The following SMIM15 variants were observed in gnomAD, a reference collection of about 807,000 sequenced individuals.
SMIM15 encodes the protein small integral membrane protein 15.
Under a neutral mutation model 6.8 loss-of-function variants are expected in SMIM15, and 5 were observed. The observed-to-expected ratio is 0.74, with a 90% CI of 0.39 to 1.56. The LOEUF (loss-of-function observed/expected upper bound fraction) is 1.56. SMIM15 is among the 40% of genes most tolerant of loss of function. The probability of loss-of-function intolerance (pLI) is 0.03; values close to 1 mark genes in which losing one functional copy is unlikely to be tolerated. For missense variants in SMIM15, 81 were observed against 84.8 expected (o/e 0.96, Z 0.18); for synonymous variants, 30 against 30.8 (o/e 0.97, Z 0.09).
rs564945551 is a variant in SMIM15, at chr5:61,161,173, C to T, written c.-114G>A. On this transcript the variant is annotated 5_prime_UTR_variant, in exon 2 of 3. Coordinates refer to ENST00000339020, the MANE Select transcript of SMIM15 (RefSeq NM_001048249.4). ...CTTCAGATGACCCTTGGTAGTCTGT[C>T]TTCTTGAGTTCTACTGTACACATCT... 1 of 152,304 alleles carries T rather than the reference C, an allele frequency of 6.6e-6. No homozygotes were observed. Among genetic ancestry groups the T allele is most frequent in the East Asian group, 1.9e-4 (1 of 5,178 alleles). The allele number at this position is 152,304 out of a possible 1,614,324, so 9.4% of individuals were successfully genotyped here. A position where few individuals can be genotyped will look rare whatever the true frequency, so the allele number is the denominator to read the frequency against.
chr5:61,162,196 T>G lies in SMIM15; in HGVS notation c.-169+21A>C, dbSNP rs1741433087. 1 of 152,426 alleles carries G rather than the reference T, an allele frequency of 6.6e-6. No homozygotes were observed. The highest frequency in any genetic ancestry group is 1.5e-5 in the Non-Finnish European group (1 of 68,184). The allele number at this position is 152,426 out of a possible 1,614,324, so 9.4% of individuals were successfully genotyped here. A position where few individuals can be genotyped will look rare whatever the true frequency, so the allele number is the denominator to read the frequency against. Reference sequence around the variant, plus strand: ...TCCCTTATTCCTTACGTTTCTCCCTTGCTCACTCTTCCCTCCTTACCCTAT... The same window carrying G: ...TCCCTTATTCCTTACGTTTCTCCCTGGCTCACTCTTCCCTCCTTACCCTAT... On this transcript the variant is annotated intron_variant, in intron 1 of 2. Coordinates refer to ENST00000339020, the MANE Select transcript of SMIM15 (RefSeq NM_001048249.4). This position sits in a 1 kb window ranked among gnomAD's most constrained non-coding sequence, Gnocchi z 4.4.
At position 61,158,093 on chromosome 5, in the gene SMIM15, A is replaced by G. The variant is rs553767353; in HGVS notation, c.*1854T>C. ...ATGGAAAAAAGTGGAAAAAAAAAGC[A>G]TATGTCAAACAAATACAAAACTGGC... On this transcript the variant is annotated 3_prime_UTR_variant, in exon 3 of 3. Coordinates refer to ENST00000339020, the MANE Select transcript of SMIM15 (RefSeq NM_001048249.4). 1 of 152,218 alleles carries G rather than the reference A, an allele frequency of 6.6e-6. No homozygotes were observed. Among genetic ancestry groups the G allele is most frequent in the East Asian group, 1.9e-4 (1 of 5,186 alleles). 9.4% of individuals were successfully genotyped at this position (152,218 alleles called of 1,614,324 possible).
chr5:61,160,281 TCA>T, intron 2 of SMIM15, 82 bp from the exon 3 acceptor site: 1 of 979,456 alleles, frequency 1.0e-6, no homozygotes, highest in Non-Finnish European at 1.5e-6. Context: ...AAAAGTTTCC[TCA>T]CACAACCAGT....
chr5:61,159,201 G>T lies in SMIM15; in HGVS notation c.*746C>A, dbSNP rs1053739104. ...TACTACAGTGTTTGGCATTTTTACT[G>T]CAAGCTTTAAACCATAGTGTTACTC... is the stretch of plus-strand genomic sequence containing the variant. On this transcript the variant is annotated 3_prime_UTR_variant, in exon 3 of 3. Coordinates refer to ENST00000339020, the MANE Select transcript of SMIM15 (RefSeq NM_001048249.4). 5 of 152,592 alleles carry T rather than the reference G, an allele frequency of 3.3e-5. No individual in the cohort carries two copies. Among genetic ancestry groups the T allele is most frequent in the Non-Finnish European group, 5.9e-5 (4 of 68,032 alleles). The allele number at this position is 152,592 out of a possible 1,614,324, so 9.5% of individuals were successfully genotyped here. A position where few individuals can be genotyped will look rare whatever the true frequency, so the allele number is the denominator to read the frequency against.
In SMIM15 at chr5:61,159,307, C is replaced by T. The variant is rs1322034830; in HGVS notation, c.*640G>A. The T allele has an allele frequency of 2.0e-5, 3 of 153,018 alleles. No homozygotes were observed. Among genetic ancestry groups the T allele is most frequent in the African/African-American group, 7.3e-5 (3 of 41,334 alleles). 9.5% of individuals were successfully genotyped at this position (153,018 alleles called of 1,614,324 possible). A position where few individuals can be genotyped will look rare whatever the true frequency, so the allele number is the denominator to read the frequency against. ...TCCAGTAGGTGGTATTCTACATAGTCGAGATAAGAGAATTCTTTATAAAAT... is the reference window on the plus strand; with the variant it reads ...TCCAGTAGGTGGTATTCTACATAGTTGAGATAAGAGAATTCTTTATAAAAT... On this transcript the variant is annotated 3_prime_UTR_variant, in exon 3 of 3. Coordinates refer to ENST00000339020, the MANE Select transcript of SMIM15 (RefSeq NM_001048249.4).
At position 61,159,914 on chromosome 5, in the gene SMIM15, A is replaced by G; in HGVS notation, c.*33T>C. The G allele has an allele frequency of 6.2e-7, 1 of 1,607,338 alleles. No homozygotes were observed. Among genetic ancestry groups the G allele is most frequent in the East Asian group, 2.2e-5 (1 of 44,872 alleles). On this transcript the variant is annotated 3_prime_UTR_variant, in exon 3 of 3. Coordinates refer to ENST00000339020, the MANE Select transcript of SMIM15 (RefSeq NM_001048249.4). ...CCAAAGCTGTGTAATTTTCCAAATG[A>G]TTTTCCTCTGGTTGCAAAGCCTGTT...
In SMIM15 at chr5:61,160,053, A is replaced by G. The variant is rs989485179; in HGVS notation, c.119T>C (p.Leu40Pro). ...LTPLFLASAV[L>P]SWKLAKMIEA... ...AATCATCTTGGCCAATTTCCAAGACAGTACAGCACTTGCTAGGAACAGTGG... is the reference window on the plus strand; with the variant it reads ...AATCATCTTGGCCAATTTCCAAGACGGTACAGCACTTGCTAGGAACAGTGG... Residue 40 changes from leucine (L) to proline (P), a missense_variant, in exon 3 of 3, where the codon CTG becomes CCG. Leu to Pro is a moderately conservative substitution (Grantham distance 98, BLOSUM62 -3). Coordinates refer to ENST00000339020, the MANE Select transcript of SMIM15 (RefSeq NM_001048249.4). 1 of 1,614,190 alleles carries G rather than the reference A, an allele frequency of 6.2e-7. No individual in the cohort carries two copies. The highest frequency in any genetic ancestry group is 8.5e-7 in the Non-Finnish European group (1 of 1,180,030).
rs933089388 is a variant in SMIM15 at position 61,158,678 on chromosome 5, T to C, written c.*1269A>G. On this transcript the variant is annotated 3_prime_UTR_variant, in exon 3 of 3. Coordinates refer to ENST00000339020, the MANE Select transcript of SMIM15 (RefSeq NM_001048249.4). ...GTAGCTGCTAGACAATTTTTTGTAA[T>C]TTAAAATTCATTAATGGGTACAGAA... 1.3e-5 allele frequency: 2 copies of C among 152,156 alleles called. No homozygotes were observed. Among genetic ancestry groups the C allele is most frequent in the African/African-American group, 2.4e-5 (1 of 41,454 alleles). The allele number at this position is 152,156 out of a possible 1,614,324, so 9.4% of individuals were successfully genotyped here.
chr5:61,159,780 G>T lies in SMIM15; in HGVS notation c.*167C>A, dbSNP rs1579860798. 2 of 723,412 alleles carry T rather than the reference G, an allele frequency of 2.8e-6. No individual in the cohort carries two copies. Among genetic ancestry groups the T allele is most frequent in the Non-Finnish European group, 2.2e-6 (1 of 449,320 alleles). The allele number at this position is 723,412 out of a possible 1,614,324, so 44.8% of individuals were successfully genotyped here. On this transcript the variant is annotated 3_prime_UTR_variant, in exon 3 of 3. Coordinates refer to ENST00000339020, the MANE Select transcript of SMIM15 (RefSeq NM_001048249.4). ...TAAACTTCTACACCCACGCCTAAAA[G>T]TTACTATAGTATTGAGGTCAGAACT... is the stretch of plus-strand genomic sequence containing the variant.
intron 2 of SMIM15, among the ~76,000 whole-genome samples, chr5:61,160,640 G>A (rs1013976807): frequency 2.0e-5 from 3 of 152,174 alleles, no homozygotes; most frequent in Admixed American, 6.5e-5. Flanking sequence ...ATACAAATCA[G>A]CAAATTTGGT....
rs1177973452 is a variant in SMIM15 at position 61,158,905 on chromosome 5, A to G, written c.*1042T>C. Reference sequence around the variant, plus strand: ...TTTCACCCAATCACTACTATGCCCAACAAAATGTTTCCAAATTTTATACCT... The same window carrying G: ...TTTCACCCAATCACTACTATGCCCAGCAAAATGTTTCCAAATTTTATACCT... On this transcript the variant is annotated 3_prime_UTR_variant, in exon 3 of 3. Transcript: ENST00000339020. 6.6e-6 allele frequency: 1 copy of G among 152,214 alleles called. No individual in the cohort carries two copies. Among genetic ancestry groups the G allele is most frequent in the Non-Finnish European group, 1.5e-5 (1 of 68,018 alleles). The allele number at this position is 152,214 out of a possible 1,614,324, so 9.4% of individuals were successfully genotyped here. A position where few individuals can be genotyped will look rare whatever the true frequency, so the allele number is the denominator to read the frequency against.
intron 2 of SMIM15, 77 bp from the exon 3 acceptor site, chr5:61,160,276 T>C (rs1460379375): frequency 9.3e-7 from 1 of 1,070,184 alleles, no homozygotes; most frequent in Non-Finnish European, 1.3e-6. Context: ...TTTGAAAAAG[T>C]TTCCTCACAC....
intron 2 of SMIM15, among the ~76,000 whole-genome samples, chr5:61,160,759 T>C (rs920493954): frequency 6.6e-6 from 1 of 152,216 alleles, no homozygotes; most frequent in Non-Finnish European, 1.5e-5. Context: ...ATCGCATTAA[T>C]ATGCCAAAGA....
At chr5:61,160,302 G>T in intron 2 of SMIM15, 103 bp from the exon 3 acceptor site, 1 of 771,654 alleles carries the variant, frequency 1.3e-6, no homozygotes, top group Non-Finnish European at 2.1e-6. Context: ...GTTAACTCAG[G>T]ATTCCATTAT....
At chr5:61,161,802 C>G (rs1040659524) in intron 1 of SMIM15, among the ~76,000 whole-genome samples, 1 of 152,196 alleles carries the variant, frequency 6.6e-6, no homozygotes, top group Non-Finnish European at 1.5e-5. Flanking sequence ...ACTGAACACA[C>G]ATGAAAGTGC....
In SMIM15 at chr5:61,159,735, T is replaced by A; in HGVS notation, c.*212A>T. On this transcript the variant is annotated 3_prime_UTR_variant, in exon 3 of 3. Transcript: ENST00000339020. ...TACCACAGTAAATGCTAATTTACAA[T>A]AACTGTCAATAGAAACCTATAAACT... 1.7e-6 allele frequency: 1 copy of A among 580,848 alleles called. No individual in the cohort carries two copies. Among genetic ancestry groups the A allele is most frequent in the East Asian group, 3.0e-5 (1 of 33,674 alleles). The allele number at this position is 580,848 out of a possible 1,614,324, so 36.0% of individuals were successfully genotyped here. A position where few individuals can be genotyped will look rare whatever the true frequency, so the allele number is the denominator to read the frequency against.
At chr5:61,160,895 A>C (rs1741403352) in intron 2 of SMIM15, among the ~76,000 whole-genome samples, 193 bp downstream of exon 2, 1 of 152,228 alleles carries the variant, frequency 6.6e-6, no homozygotes, top group South Asian at 2.1e-4. Context: ...TTTGAGTGTA[A>C]GGAAAAGGCA....
At position 61,158,466 on chromosome 5, in the gene SMIM15, T is replaced by C. The variant is rs1032224438; in HGVS notation, c.*1481A>G. 1 of 152,078 alleles carries C rather than the reference T, an allele frequency of 6.6e-6. No individual in the cohort carries two copies. Among genetic ancestry groups the C allele is most frequent in the Non-Finnish European group, 1.5e-5 (1 of 68,002 alleles). 9.4% of individuals were successfully genotyped at this position (152,078 alleles called of 1,614,324 possible). ...CAAACTGGTCCATAAACATTCTCAG[T>C]GGTCCTTAGGTTCTGAGAGATACAG... On this transcript the variant is annotated 3_prime_UTR_variant, in exon 3 of 3. Transcript: ENST00000339020.
intron 1 of SMIM15, among the ~76,000 whole-genome samples, chr5:61,161,807 A>G (rs34608): frequency 0.4 from 61,571 of 152,040 alleles, 13,381 homozygotes; most frequent in East Asian, 0.79. Context: ...ACACACATGA[A>G]AGTGCCTAAT....
Sources: gnomAD v4.1 joint callset for allele counts (sites outside exome capture counted in the v4.1 genomes callset) on GRCh38, gnomAD v4.1.1 for gene constraint, Gnocchi (gnomAD v3.1) non-coding constraint, MANE v1.5 for transcripts, NCBI Gene and HGNC (gene_info 2026-07-23, HGNC 2026-07-21) for gene names.